The following COL4A3 variants were observed in gnomAD, a reference collection of about 807,000 sequenced individuals.
The protein encoded by COL4A3 is collagen type IV alpha 3 chain, also known as collagen alpha-3(IV) chain.
A neutral mutation model predicts 217.4 loss-of-function variants in COL4A3; 135 were observed. The observed-to-expected ratio is 0.62, with a 90% CI of 0.54 to 0.72. COL4A3 has a LOEUF of 0.72. COL4A3 is among the 30% of genes least tolerant of loss of function. COL4A3 has a pLI of 0.00. For synonymous variants in COL4A3, 690 were observed against 736.3 expected (o/e 0.94, Z 1.02); for missense variants, 1,868 against 2,119.9 (o/e 0.88, Z 2.33).
At chr2:227,302,677 C>CAAA (rs56065709) in intron 43 of COL4A3, among the ~76,000 whole-genome samples, 1,564 of 79,842 alleles carry the variant, frequency 0.02, 172 homozygotes, top group Non-Finnish European at 0.024. Flanking sequence ...ACTCTTTCTC[C>CAAA]AAAAAAAAAA....
In COL4A3 at chr2:227,278,522, T is replaced by C. The variant is rs182166704; in HGVS notation, c.2125+969T>C. The stretch of plus-strand genomic sequence containing the variant: ...TTAATTTTGCCCAAATATGAGAATA[T>C]TGATTTCAATTTATGAGTATTTGAA... On this transcript the variant is annotated intron_variant, in intron 28 of 51. Coordinates refer to ENST00000396578, the MANE Select transcript of COL4A3 (RefSeq NM_000091.5). Among the ~76,000 whole-genome samples the C allele has an allele frequency of 1.2e-4, 18 of 152,364 alleles. No homozygotes were observed. The East Asian group carries it at 2.9e-3, about 24-fold the overall frequency.
chr2:227,274,499 CTTT>C (rs745900795), intron 26 of COL4A3, among the ~76,000 whole-genome samples: 1 of 140,568 alleles, frequency 7.1e-6, no homozygotes, highest in Non-Finnish European at 1.6e-5. Context: ...TTTGGAGCTG[CTTT>C]TTTTTTTTTT....
At position 227,307,150 on chromosome 2, in the gene COL4A3, C is replaced by A. The variant is rs145213621; in HGVS notation, c.4253-560C>A. ...TTTTAACTCATATAAATAAACTAACCCTTATTACAGTGAAAAAAAAAGCCT... is the reference window on the plus strand; with the variant it reads ...TTTTAACTCATATAAATAAACTAACACTTATTACAGTGAAAAAAAAAGCCT... On this transcript the variant is annotated intron_variant, in intron 47 of 51. Transcript: ENST00000396578. Among the ~76,000 whole-genome samples the A allele has an allele frequency of 2.6e-5, 4 of 151,878 alleles. No homozygotes were observed. In the East Asian group the frequency reaches 7.7e-4, roughly 29 times the overall value.
Position 227,166,923 on chromosome 2 carries a change from G to A in COL4A3, c.87+2110G>A, listed in dbSNP as rs112793136. ...GTGTAAAATGAGAGTTGAAACCCCA[G>A]TGGGGCCAGCAGGTGAAGTAAGGAG... On this transcript the variant is annotated intron_variant, in intron 1 of 51. Coordinates refer to ENST00000396578, the MANE Select transcript of COL4A3 (RefSeq NM_000091.5). Among the ~76,000 whole-genome samples the A allele has an allele frequency of 5.8e-4, 88 of 152,314 alleles. 1 individual carries two copies. The highest frequency in any genetic ancestry group is 2.1e-3 in the African/African-American group (87 of 41,570).
At chr2:227,185,083 G>A (rs574429006) in intron 1 of COL4A3, among the ~76,000 whole-genome samples, 1 of 151,986 alleles carries the variant, frequency 6.6e-6, no homozygotes, top group South Asian at 2.1e-4. Context: ...TGTATTTTTA[G>A]TGGAGACGGG....
chr2:227,253,430 T>C lies in COL4A3; in HGVS notation c.687+93T>C. The C allele has an allele frequency of 2.1e-6, 3 of 1,454,436 alleles. No homozygotes were observed. Among genetic ancestry groups the C allele is most frequent in the Non-Finnish European group, 2.9e-6 (3 of 1,034,256 alleles). 90.1% of individuals were successfully genotyped at this position (1,454,436 alleles called of 1,614,324 possible). On this transcript the variant is annotated intron_variant, in intron 12 of 51. Coordinates refer to ENST00000396578, the MANE Select transcript of COL4A3 (RefSeq NM_000091.5). This position sits in a 1 kb window ranked among gnomAD's most constrained non-coding sequence, Gnocchi z 4.4. ...CGTTTACTTACGGGCCAAGCTGAAA[T>C]TGATGGGCCTTCATTTGTTCTATCT...
intron 2 of COL4A3, 69 bp from the exon 3 acceptor site, chr2:227,240,074 G>T (rs892595850): frequency 1.6e-6 from 2 of 1,216,370 alleles, no homozygotes; most frequent in African/African-American, 3.0e-5. Context: ...GAACATAATG[G>T]TTATTGGTGT....
At chr2:227,247,765 CTT>C (rs1358474658) in intron 8 of COL4A3, among the ~76,000 whole-genome samples, 181 bp downstream of exon 8, 1 of 152,016 alleles carries the variant, frequency 6.6e-6, no homozygotes, top group Non-Finnish European at 1.5e-5. Flanking sequence ...CCTTCTGGCT[CTT>C]GTCATAAAGA....
chr2:227,221,241 TCA>T (rs1680508498), intron 1 of COL4A3: 1 of 152,230 alleles, frequency 6.6e-6, no homozygotes, highest in Non-Finnish European at 1.5e-5. Context: ...ACATCACCAA[TCA>T]CAGTTCCTCT....
rs2073817679 is a variant in COL4A3 at position 227,313,736 on chromosome 2, TAACA to T, written c.*1873_*1876del. 6.6e-6 allele frequency: 1 copy of T among 152,520 alleles called. No individual in the cohort carries two copies. Among genetic ancestry groups the T allele is most frequent in the African/African-American group, 2.4e-5 (1 of 41,462 alleles). 9.4% of individuals were successfully genotyped at this position (152,520 alleles called of 1,614,324 possible). A position where few individuals can be genotyped will look rare whatever the true frequency, so the allele number is the denominator to read the frequency against. ...AGCATTTCACTTATTTAGATTCACT[TAACA>T]AACAAATTTTTCTGCTTTAAAAATG... On this transcript the variant is annotated 3_prime_UTR_variant, in exon 52 of 52. Transcript: ENST00000396578.
intron 1 of COL4A3, among the ~76,000 whole-genome samples, chr2:227,190,367 T>G (rs2066185346): frequency 6.6e-6 from 1 of 152,196 alleles, no homozygotes; most frequent in Non-Finnish European, 1.5e-5. Flanking sequence ...CCTGACTCCC[T>G]TTTAAAATAT....
intron 43 of COL4A3, chr2:227,301,665 ATTCATAGGC>A (rs1039276405): frequency 1.4e-4 from 22 of 152,350 alleles, no homozygotes; most frequent in African/African-American, 4.8e-4. Context: ...TTTCGTGGTC[ATTCATAGGC>A]TTCTATACTT....
chr2:227,295,110 A>T (rs1361195651), intron 40 of COL4A3, 48 bp downstream of exon 40: 1 of 1,559,400 alleles, frequency 6.4e-7, no homozygotes, highest in Non-Finnish European at 8.8e-7. Context: ...TTTTGGATAG[A>T]ATCATTAGTA....
At position 227,253,290 on chromosome 2, in the gene COL4A3, T is replaced by C. The variant is rs1209500965; in HGVS notation, c.646-6T>C. 2 of 1,613,498 alleles carry C rather than the reference T, an allele frequency of 1.2e-6. No homozygotes were observed. Among genetic ancestry groups the C allele is most frequent in the South Asian group, 2.2e-5 (2 of 91,064 alleles). ...GAAAATAATTTGGTTTTGTGTTTTCTTACAGGGTCACATGGGTGAAAGAGT... is the reference window on the plus strand; with the variant it reads ...GAAAATAATTTGGTTTTGTGTTTTCCTACAGGGTCACATGGGTGAAAGAGT... On this transcript the variant is annotated splice_region_variant and splice_polypyrimidine_tract_variant and intron_variant, in intron 11 of 51. Coordinates refer to ENST00000396578, the MANE Select transcript of COL4A3 (RefSeq NM_000091.5). This position sits in a 1 kb window ranked among gnomAD's most constrained non-coding sequence, Gnocchi z 4.4.
chr2:227,189,097 C>A (rs921335672), intron 1 of COL4A3, among the ~76,000 whole-genome samples: 4 of 152,024 alleles, frequency 2.6e-5, no homozygotes, highest in Non-Finnish European at 4.4e-5. Flanking sequence ...GTTTGAGCAC[C>A]AGAGAGAAGG....
At chr2:227,255,855 T>C (rs2125939993) in intron 15 of COL4A3, among the ~76,000 whole-genome samples, 171 bp from the exon 16 acceptor site, 1 of 152,316 alleles carries the variant, frequency 6.6e-6, no homozygotes, top group Middle Eastern at 3.4e-3. Context: ...GAGAGGGCCA[T>C]TGTGTATTCT....
chr2:227,164,904 G>T lies in COL4A3; in HGVS notation c.87+91G>T. On this transcript the variant is annotated intron_variant, in intron 1 of 51. Coordinates refer to ENST00000396578, the MANE Select transcript of COL4A3 (RefSeq NM_000091.5). This position sits in a 1 kb window ranked among gnomAD's most constrained non-coding sequence, Gnocchi z 4.8. ...CGCTGGCCCCACCCGCAGCGGCGCG[G>T]TAGTGGAGCGGCTGCCGGGCTAGTG... The T allele has an allele frequency of 7.4e-7, 1 of 1,358,250 alleles. No homozygotes were observed. Among genetic ancestry groups the T allele is most frequent in the Admixed American group, 3.4e-5 (1 of 29,582 alleles). 84.1% of individuals were successfully genotyped at this position (1,358,250 alleles called of 1,614,324 possible). A position where few individuals can be genotyped will look rare whatever the true frequency, so the allele number is the denominator to read the frequency against.
chr2:227,311,097 T>G (rs1285521409), intron 51 of COL4A3, 149 bp downstream of exon 51: 2 of 731,296 alleles, frequency 2.7e-6, no homozygotes, highest in South Asian at 3.3e-5. Flanking sequence ...TAAACACATT[T>G]AATATTTGTA....
At chr2:227,276,343 T>C in intron 26 of COL4A3, 42 bp from the exon 27 acceptor site, 1 of 1,401,048 alleles carries the variant, frequency 7.1e-7, no homozygotes, top group East Asian at 2.3e-5. Flanking sequence ...TAAGACAAGC[T>C]TCAATATATA....
Sources: allele counts gnomAD v4.1 joint callset (sites outside exome capture counted in the v4.1 genomes callset), GRCh38; gene constraint gnomAD v4.1.1; non-coding constraint Gnocchi (gnomAD v3.1); transcripts MANE v1.5; gene names NCBI Gene and HGNC (gene_info 2026-07-23, HGNC 2026-07-21).